Variants in CACHD1 observed in about 807,000 individuals in gnomAD.
The protein encoded by CACHD1 is VWFA and cache domain-containing protein 1.
In CACHD1, 71 loss-of-function variants were observed where a neutral mutation model predicts 138.7. The ratio of observed to expected loss-of-function variants is 0.51; its 90% CI spans 0.42 to 0.62. The LOEUF (loss-of-function observed/expected upper bound fraction) is 0.62. CACHD1 is among the 20% of genes least tolerant of loss of function. The pLI, the probability that CACHD1 is intolerant of heterozygous loss-of-function variation, is 0.00. For missense variants in CACHD1, 1,389 were observed against 1,625.3 expected (o/e 0.85, Z 2.50); for synonymous variants, 578 against 591.5 (o/e 0.98, Z 0.33).
At chr1:64,535,637 A>T (rs1230086144) in intron 1 of CACHD1, among the ~76,000 whole-genome samples, 4 of 152,072 alleles carry the variant, frequency 2.6e-5, no homozygotes, top group Non-Finnish European at 5.9e-5. Flanking sequence ...GGGAATTTGG[A>T]TTTGTACAGA....
chr1:64,623,404 A>G (rs1186896888), intron 4 of CACHD1, among the ~76,000 whole-genome samples: 1 of 151,942 alleles, frequency 6.6e-6, no homozygotes, highest in African/African-American at 2.4e-5. Context: ...TCTGCCTCAA[A>G]AAAAAAAAAT....
chr1:64,608,039 C>G (rs12145306), intron 4 of CACHD1, among the ~76,000 whole-genome samples: 82 of 151,894 alleles, frequency 5.4e-4, no homozygotes, highest in Non-Finnish European at 9.9e-4. Context: ...GTGGAGAGGG[C>G]AGAGGTAAGT....
intron 1 of CACHD1, among the ~76,000 whole-genome samples, chr1:64,479,300 G>A (rs1440059428): frequency 6.6e-6 from 1 of 152,228 alleles, no homozygotes; most frequent in Non-Finnish European, 1.5e-5. Flanking sequence ...AATTTCTGAT[G>A]TAATGAATGT....
intron 8 of CACHD1, among the ~76,000 whole-genome samples, chr1:64,644,694 C>T (rs1281039661): frequency 3.9e-5 from 6 of 152,216 alleles, no homozygotes; most frequent in Non-Finnish European, 5.9e-5. Context: ...TTTCTCAGAA[C>T]CCTATTTCTA....
chr1:64,679,853 A>T (rs1026539966), intron 24 of CACHD1, 97 bp downstream of exon 24: 10 of 1,354,938 alleles, frequency 7.4e-6, no homozygotes, highest in Non-Finnish European at 1.0e-5. Flanking sequence ...GAACAGTGCT[A>T]TACTTTCAGC....
chr1:64,683,255 A>G (rs931742958), intron 26 of CACHD1, among the ~76,000 whole-genome samples: 3 of 152,216 alleles, frequency 2.0e-5, no homozygotes, highest in Non-Finnish European at 4.4e-5. Context: ...TCAGGTTTCT[A>G]TGGAGAACCA....
At chr1:64,691,096 G>C (rs1333880953) in intron 26 of CACHD1, among the ~76,000 whole-genome samples, 1 of 151,916 alleles carries the variant, frequency 6.6e-6, no homozygotes, top group East Asian at 1.9e-4. Flanking sequence ...TCAGCTGTCT[G>C]AAGTGGTTAT....
intron 26 of CACHD1, among the ~76,000 whole-genome samples, chr1:64,686,006 G>A: frequency 6.6e-6 from 1 of 152,118 alleles, no homozygotes; most frequent in Non-Finnish European, 1.5e-5. Context: ...ATGAATGCAT[G>A]TATTCATATG....
chr1:64,590,134 C>T (rs183229348), intron 3 of CACHD1, among the ~76,000 whole-genome samples: 3 of 151,938 alleles, frequency 2.0e-5, no homozygotes, highest in East Asian at 1.9e-4. Flanking sequence ...GGTAAAAACC[C>T]GTCTCTACTA....
intron 1 of CACHD1, among the ~76,000 whole-genome samples, chr1:64,518,105 G>A (rs1455795147): frequency 6.6e-6 from 1 of 152,140 alleles, no homozygotes; most frequent in East Asian, 1.9e-4. Flanking sequence ...TTTTCTAAAT[G>A]TTTGTATCTC....
intron 2 of CACHD1, among the ~76,000 whole-genome samples, chr1:64,561,858 CAAAAAA>C (rs35407984): frequency 2.6e-5 from 3 of 116,480 alleles, no homozygotes; most frequent in African/African-American, 1.1e-4. Context: ...ACACTGTCTC[CAAAAAA>C]AAAAAAAAAA....
At chr1:64,572,877 A>G (rs1646937143) in intron 2 of CACHD1, among the ~76,000 whole-genome samples, 2 of 152,132 alleles carry the variant, frequency 1.3e-5, no homozygotes, top group Non-Finnish European at 2.9e-5. Context: ...GACTACCCTG[A>G]AGTCTCCACA....
chr1:64,620,145 C>T (rs1232328122), intron 4 of CACHD1, among the ~76,000 whole-genome samples: 1 of 152,016 alleles, frequency 6.6e-6, no homozygotes, highest in Non-Finnish European at 1.5e-5. Flanking sequence ...TTTTTTCATC[C>T]AGGCATCATA....
chr1:64,656,576 T>C (rs2100689726), intron 12 of CACHD1, among the ~76,000 whole-genome samples: 1 of 152,288 alleles, frequency 6.6e-6, no homozygotes, highest in South Asian at 2.1e-4. Flanking sequence ...TGTAGGCATT[T>C]GTCTGACCTT....
At chr1:64,579,631 GGA>G (rs1176462268) in intron 2 of CACHD1, among the ~76,000 whole-genome samples, 1 of 152,044 alleles carries the variant, frequency 6.6e-6, no homozygotes, top group African/African-American at 2.4e-5. Flanking sequence ...GCTTCTTGAT[GGA>G]GCTTCCAGAA....
At chr1:64,488,518 G>A (rs1646255967) in intron 1 of CACHD1, among the ~76,000 whole-genome samples, 1 of 152,148 alleles carries the variant, frequency 6.6e-6, no homozygotes, top group Admixed American at 6.5e-5. Context: ...ATAACAGTAT[G>A]TTCCTCCATT....
chr1:64,654,110 C>A (rs1427095996), intron 11 of CACHD1, among the ~76,000 whole-genome samples: 1 of 152,156 alleles, frequency 6.6e-6, no homozygotes, highest in Non-Finnish European at 1.5e-5. Context: ...TCTTGTAAAT[C>A]AAATTTTATG....
chr1:64,608,773 CT>C (rs1647420564), intron 4 of CACHD1, among the ~76,000 whole-genome samples: 1 of 151,538 alleles, frequency 6.6e-6, no homozygotes, highest in South Asian at 2.1e-4. Flanking sequence ...TCTTTTTTTT[CT>C]TTTAAATTCC....
rs186636583 is a variant in CACHD1, at chr1:64,676,920, G to A, written c.3001G>A (p.Glu1001Lys). 1.3e-3 allele frequency: 2,152 copies of A among 1,613,746 alleles called. 36 individuals carry two copies. Among genetic ancestry groups the A allele is most frequent in the Non-Finnish European group, 2.6e-4 (312 of 1,179,850 alleles). ...AAACCCCAGCTGCGAGGTCCACCAG[G>A]AGCCGGTGACATACACAGCTATTGA... is the stretch of plus-strand genomic sequence containing the variant. The part of the protein sequence containing the change: ...NRNPSCEVHQ[E>K]PVTYTAIDPG... The change falls in exon 22 of 27, where the codon GAG becomes AAG. Residue 1001 changes from glutamate to lysine, a missense_variant. Physicochemically the swap from Glu to Lys is moderately conservative, Grantham distance 56. This residue lies in a region of CACHD1 where 250 missense variants were observed against 292.9 expected (regional missense o/e 0.85). Transcript: ENST00000651257.
Sources: allele counts gnomAD v4.1 joint callset (sites outside exome capture counted in the v4.1 genomes callset), GRCh38; gene constraint gnomAD v4.1.1; regional missense constraint gnomAD v4.1.1; transcripts MANE v1.5; gene names NCBI Gene and HGNC (gene_info 2026-07-23, HGNC 2026-07-21).